TANC2: variants seen among roughly 807,000 people sequenced by gnomAD.
TANC2 encodes tetratricopeptide repeat, ankyrin repeat and coiled-coil containing 2.
A neutral mutation model predicts 210.5 loss-of-function variants in TANC2; 26 were observed. That is an observed-to-expected ratio of 0.12 (90% confidence interval 0.09 to 0.17). The LOEUF is 0.17. Among genes scored for constraint, TANC2 ranks in the 10% least tolerant of loss-of-function variants. TANC2 has a pLI of 1.00. For missense variants in TANC2, 2,129 were observed against 2,608.9 expected (o/e 0.82, Z 4.01); for synonymous variants, 931 against 967.1 (o/e 0.96, Z 0.69).
In TANC2 at chr17:62,966,355, G is replaced by T. The variant is rs1598155224; in HGVS notation, c.-418G>T. Among the ~76,000 whole-genome samples, 1 of 146,984 alleles carries T rather than the reference G, an allele frequency of 6.8e-6. No homozygotes were observed. The highest frequency in any genetic ancestry group is 2.0e-4 in the East Asian group (1 of 5,062). ...CGGCGGGGGAAGCTGCGAGCGCTCC[G>T]AGCGCCCGGCCTAGGGCCGCTGGCG... On this transcript the variant is annotated 5_prime_UTR_variant, in exon 1 of 28. Coordinates refer to ENST00000689528, the Ensembl canonical transcript of TANC2. The surrounding 1 kb of genome is among the most constrained non-coding windows in gnomAD (Gnocchi z 5.1).
In TANC2 at chr17:63,338,334, G is replaced by T. The variant is rs542047305; in HGVS notation, c.1576-1767G>T. Among the ~76,000 whole-genome samples, 591 of 151,996 alleles carry T rather than the reference G, an allele frequency of 3.9e-3. 2 individuals are homozygous for T. The highest frequency in any genetic ancestry group is 5.0e-3 in the Non-Finnish European group (339 of 67,938). On this transcript the variant is annotated intron_variant, in intron 11 of 27. Coordinates refer to ENST00000689528, the Ensembl canonical transcript of TANC2. The stretch of plus-strand genomic sequence containing the variant: ...AAACATTCAGCCAAGAGCACAGATG[G>T]GTTTTTTTTAATAAAATCAGTAAAA...
In TANC2 at chr17:63,329,302, A is replaced by G. The variant is rs573837412; in HGVS notation, c.1575+10212A>G. Among the ~76,000 whole-genome samples, 3 of 152,256 alleles carry G rather than the reference A, an allele frequency of 2.0e-5. No homozygotes were observed. In the South Asian group the frequency reaches 6.2e-4, roughly 32 times the overall value. On this transcript the variant is annotated intron_variant, in intron 11 of 27. Coordinates refer to ENST00000689528, the Ensembl canonical transcript of TANC2. Reference sequence around the variant, plus strand: ...TTAAAATTGAGGAAAAGACCAAAACATGATGAAAAAATGGGAAAAAAATAA... The same window carrying G: ...TTAAAATTGAGGAAAAGACCAAAACGTGATGAAAAAATGGGAAAAAAATAA...
intron 1 of TANC2, among the ~76,000 whole-genome samples, chr17:62,971,085 C>T (rs1311666319): frequency 2.0e-5 from 3 of 151,806 alleles, no homozygotes; most frequent in Admixed American, 6.6e-5. Context: ...GTTTAGACTT[C>T]GTTGTAATAC....
chr17:63,215,354 G>T (rs917322588), intron 7 of TANC2, among the ~76,000 whole-genome samples: 1 of 152,044 alleles, frequency 6.6e-6, no homozygotes, highest in African/African-American at 2.4e-5. Flanking sequence ...TGTCTATTTG[G>T]TCTTTGTCCC....
chr17:63,036,845 GTTT>G (rs542320358), intron 2 of TANC2, among the ~76,000 whole-genome samples: 4,198 of 133,884 alleles, frequency 0.031, 67 homozygotes, highest in South Asian at 0.039. Context: ...TTACATGTAA[GTTT>G]TTTTTTTTTT....
intron 17 of TANC2, 45 bp from the exon 18 acceptor site, chr17:63,395,698 G>A: frequency 1.9e-6 from 3 of 1,582,774 alleles, no homozygotes; most frequent in Non-Finnish European, 2.6e-6. Flanking sequence ...TGCGAGCTCA[G>A]CCACAAGTCT....
chr17:63,225,226 G>A (rs1266359716), intron 7 of TANC2, among the ~76,000 whole-genome samples: 1 of 152,168 alleles, frequency 6.6e-6, no homozygotes, highest in Non-Finnish European at 1.5e-5. Flanking sequence ...TCTTATTACA[G>A]TTAATGTTTT....
chr17:63,364,403 T>G (rs931682871), intron 14 of TANC2, among the ~76,000 whole-genome samples: 5 of 152,182 alleles, frequency 3.3e-5, no homozygotes, highest in South Asian at 2.1e-4. Flanking sequence ...AGCTGCTAAT[T>G]AGAATTCTTC....
At chr17:63,319,021 T>C (rs972539989) in exon 11 of TANC2, 1 of 1,613,674 alleles carries the variant, frequency 6.2e-7, no homozygotes, top group Non-Finnish European at 8.5e-7. Flanking sequence ...CTATCACCAG[T>C]GGAAGCTGCC....
At chr17:63,224,590 G>A (rs549039795) in intron 7 of TANC2, among the ~76,000 whole-genome samples, 11 of 152,076 alleles carry the variant, frequency 7.2e-5, no homozygotes, top group Non-Finnish European at 1.3e-4. Flanking sequence ...TGAGAAATAC[G>A]TGCTGCCAAC....
chr17:63,351,165 C>A, intron 12 of TANC2, 85 bp from the exon 13 acceptor site: 1 of 1,231,784 alleles, frequency 8.1e-7, no homozygotes. Flanking sequence ...ATATTTTGTT[C>A]CAAAGAAATA....
intron 1 of TANC2, chr17:63,004,915 G>C: frequency 3.5e-6 from 1 of 288,066 alleles, no homozygotes. Context: ...CTTCACATTG[G>C]CTTTATCTCG....
chr17:63,273,849 C>T (rs2146306832), intron 9 of TANC2, among the ~76,000 whole-genome samples: 1 of 152,284 alleles, frequency 6.6e-6, no homozygotes, highest in South Asian at 2.1e-4. Flanking sequence ...CATTCCACAC[C>T]TACTGAATCA....
At chr17:63,070,671 A>T (rs184678001) in intron 2 of TANC2, among the ~76,000 whole-genome samples, 236 of 143,364 alleles carry the variant, frequency 1.6e-3, no homozygotes, top group Middle Eastern at 0.011. Context: ...GTAAATGGTT[A>T]AAAAAAATTA....
chr17:63,160,253 C>T (rs560360762), intron 5 of TANC2, among the ~76,000 whole-genome samples: 2 of 152,238 alleles, frequency 1.3e-5, no homozygotes, highest in Non-Finnish European at 2.9e-5. Flanking sequence ...AAAGTAAAGG[C>T]GATAGACTGG....
intron 4 of TANC2, among the ~76,000 whole-genome samples, chr17:63,144,929 G>T (rs1236823429): frequency 6.6e-6 from 1 of 151,624 alleles, no homozygotes; most frequent in Non-Finnish European, 1.5e-5. Flanking sequence ...AGAATTAACA[G>T]GGAATATGAA....
intron 4 of TANC2, among the ~76,000 whole-genome samples, chr17:63,123,329 G>A (rs1383077970): frequency 3.9e-5 from 6 of 152,090 alleles, no homozygotes; most frequent in East Asian, 1.9e-4. Flanking sequence ...AGGCTGAGGC[G>A]GGCGGATCAC....
rs115482795 is a variant in TANC2, at chr17:63,278,969, A to G, written c.1159+11096A>G. Among the ~76,000 whole-genome samples the G allele has an allele frequency of 3.7e-3, 570 of 152,212 alleles. 1 individual carries two copies. Among genetic ancestry groups the G allele is most frequent in the African/African-American group, 0.013 (521 of 41,562 alleles). ...AGAGGAAATGGGGAGTTCCTGTTCA[A>G]TGGGTATAAAGTATCAATCATGAAA... On this transcript the variant is annotated intron_variant, in intron 9 of 27. Transcript: ENST00000689528.
At chr17:63,346,197 C>T (rs1012631742) in intron 12 of TANC2, among the ~76,000 whole-genome samples, 1 of 152,158 alleles carries the variant, frequency 6.6e-6, no homozygotes, top group African/African-American at 2.4e-5. Flanking sequence ...AATATCTTCA[C>T]AAACTTGGAA....
Sources: gnomAD v4.1 joint callset for allele counts (sites outside exome capture counted in the v4.1 genomes callset) on GRCh38, gnomAD v4.1.1 for gene constraint, Gnocchi (gnomAD v3.1) non-coding constraint, MANE v1.5 for transcripts, NCBI Gene and HGNC (gene_info 2026-07-23, HGNC 2026-07-21) for gene names.